MBD5: variants seen among roughly 807,000 people sequenced by gnomAD.
The protein encoded by MBD5 is methyl-CpG-binding domain protein 5.
A neutral mutation model predicts 117.3 loss-of-function variants in MBD5; 13 were observed. The observed-to-expected ratio is 0.11, with a 90% confidence interval of 0.07 to 0.18. The LOEUF (loss-of-function observed/expected upper bound fraction) is 0.18, where lower values mean the gene tolerates loss of function less well. Among genes scored for constraint, MBD5 ranks in the 10% least tolerant of loss-of-function variants. The probability of loss-of-function intolerance (pLI) is 1.00; values close to 1 mark genes in which losing one functional copy is unlikely to be tolerated. For missense variants in MBD5, 1,879 were observed against 2,093.8 expected, an observed-to-expected ratio of 0.90 and a Z score of 2.00; for synonymous variants, 727 against 766.4, an observed-to-expected ratio of 0.95 and a Z score of 0.85.
chr2:148,216,850 A>G (rs1699568701), intron 2 of MBD5, among the ~76,000 whole-genome samples: 1 of 152,144 alleles, frequency 6.6e-6, no homozygotes, highest in African/African-American at 2.4e-5. Context: ...GTTCTGGAAA[A>G]GAAACCCAGC....
intron 4 of MBD5, among the ~76,000 whole-genome samples, chr2:148,389,827 A>G (rs1481798402): frequency 6.6e-6 from 1 of 151,912 alleles, no homozygotes; most frequent in African/African-American, 2.4e-5. Flanking sequence ...TAGATTCTGG[A>G]TATTAGACCT....
chr2:148,295,376 C>G (rs1046063393), intron 3 of MBD5, among the ~76,000 whole-genome samples: 3 of 152,152 alleles, frequency 2.0e-5, no homozygotes, highest in Non-Finnish European at 4.4e-5. Flanking sequence ...TTATTTCCAT[C>G]CGGAATTTCC....
chr2:148,094,598 A>G (rs1023780717), intron 1 of MBD5, among the ~76,000 whole-genome samples: 4 of 152,160 alleles, frequency 2.6e-5, no homozygotes, highest in African/African-American at 7.2e-5. Context: ...TGACTATATA[A>G]AGCAGTTCCA....
chr2:148,327,660 A>C (rs1427914753), intron 3 of MBD5, among the ~76,000 whole-genome samples: 2 of 151,276 alleles, frequency 1.3e-5, no homozygotes, highest in South Asian at 2.1e-4. Context: ...TGCATTCTTC[A>C]CATAGTTATC....
At chr2:148,153,845 AT>A (rs558242185) in intron 1 of MBD5, among the ~76,000 whole-genome samples, 2,844 of 80,370 alleles carry the variant, frequency 0.035, 109 homozygotes, top group Non-Finnish European at 0.053. Flanking sequence ...ATTCTTCTAA[AT>A]TTTTTTCAAA....
chr2:148,478,218 G>A (rs1001824616), intron 8 of MBD5, among the ~76,000 whole-genome samples: 1 of 152,170 alleles, frequency 6.6e-6, no homozygotes, highest in Admixed American at 6.5e-5. Context: ...ATTTACTCGT[G>A]CTGTCATGTA....
chr2:148,215,977 AAATTAT>A (rs1009594255), intron 2 of MBD5, among the ~76,000 whole-genome samples: 3 of 152,206 alleles, frequency 2.0e-5, no homozygotes, highest in Admixed American at 2.0e-4. Context: ...CTGCACTTTT[AAATTAT>A]AACAGAAAAA....
chr2:148,403,185 CTT>C lies in MBD5; in HGVS notation c.-556-55007_-556-55006del, dbSNP rs35320980. On this transcript the variant is annotated intron_variant, in intron 4 of 13. Transcript: ENST00000642680. ...TTATAATAACTATATTAATGTTCTT[CTT>C]TTTTTTTTTTGAGACAGGGTCTCAC... 4.6e-4 allele frequency among the ~76,000 whole-genome samples: 66 copies of C among 144,484 alleles called. 1 individual carries two copies. The highest frequency in any genetic ancestry group is 3.6e-3 in the Middle Eastern group (1 of 276). 94.8% of individuals were successfully genotyped at this position (144,484 alleles called of 152,430 possible).
At chr2:148,162,864 T>TA (rs1215406155) in intron 1 of MBD5, among the ~76,000 whole-genome samples, 1 of 152,170 alleles carries the variant, frequency 6.6e-6, no homozygotes, top group East Asian at 1.9e-4. Context: ...TTGAAAACAA[T>TA]AAAAAATGGC....
At chr2:148,047,213 A>G (rs1274505715) in intron 1 of MBD5, among the ~76,000 whole-genome samples, 2 of 152,202 alleles carry the variant, frequency 1.3e-5, no homozygotes, top group Non-Finnish European at 2.9e-5. Context: ...TTATGATCAT[A>G]TAAGATGGTT....
chr2:148,265,069 A>ACG (rs1313904404), intron 3 of MBD5: 1 of 151,912 alleles, frequency 6.6e-6, no homozygotes, highest in African/African-American at 2.4e-5. Flanking sequence ...ACACACGCAC[A>ACG]CACACACACA....
At chr2:148,378,883 G>C (rs915157049) in intron 4 of MBD5, among the ~76,000 whole-genome samples, 2 of 152,040 alleles carry the variant, frequency 1.3e-5, no homozygotes, top group Non-Finnish European at 2.9e-5. Flanking sequence ...CAAATGTCTT[G>C]TGGCTTGAAT....
At chr2:148,100,067 C>T (rs1375726042) in intron 1 of MBD5, among the ~76,000 whole-genome samples, 1 of 152,006 alleles carries the variant, frequency 6.6e-6, no homozygotes, top group Non-Finnish European at 1.5e-5. Flanking sequence ...CACCCAAATC[C>T]ATCCCTTAGA....
At chr2:148,423,003 CT>C (rs1242257665) in intron 4 of MBD5, among the ~76,000 whole-genome samples, 1 of 152,152 alleles carries the variant, frequency 6.6e-6, no homozygotes, top group Non-Finnish European at 1.5e-5. Context: ...TTGGAAAACA[CT>C]CTTTAGGATA....
In MBD5 at chr2:148,490,601, C is replaced by G. The variant is rs1357945983; in HGVS notation, c.4962+7C>G. 1 of 1,613,906 alleles carries G rather than the reference C, an allele frequency of 6.2e-7. No individual in the cohort carries two copies. The highest frequency in any genetic ancestry group is 1.3e-5 in the African/African-American group (1 of 74,924). ...AAGCCCCGAGGAAGGGAAGGTATAC[C>G]AATCTTTATCCATTGTCAAATACTA... On this transcript the variant is annotated splice_region_variant and intron_variant, in intron 11 of 13. Transcript: ENST00000642680.
chr2:148,290,964 C>T (rs905157104), intron 3 of MBD5, among the ~76,000 whole-genome samples: 2 of 152,208 alleles, frequency 1.3e-5, no homozygotes, highest in African/African-American at 2.4e-5. Flanking sequence ...GCACCATTTA[C>T]AGTCCTACCA....
chr2:148,413,908 T>TTA (rs1559061027), intron 4 of MBD5, among the ~76,000 whole-genome samples: 1 of 138,620 alleles, frequency 7.2e-6, no homozygotes, highest in Non-Finnish European at 1.6e-5. Flanking sequence ...ACTTATTTTC[T>TTA]AAAAAAAAAA....
intron 4 of MBD5, among the ~76,000 whole-genome samples, chr2:148,381,230 G>A (rs1704133808): frequency 1.3e-5 from 2 of 152,160 alleles, no homozygotes; most frequent in African/African-American, 4.8e-5. Context: ...AAAAAAATTA[G>A]ACGAATGGAT....
chr2:148,161,325 T>C (rs1698002581), intron 1 of MBD5, among the ~76,000 whole-genome samples: 1 of 152,154 alleles, frequency 6.6e-6, no homozygotes, highest in Non-Finnish European at 1.5e-5. Context: ...TAGCATCTCA[T>C]TGACCAAAGA....
Sources: allele counts gnomAD v4.1 joint callset (sites outside exome capture counted in the v4.1 genomes callset), GRCh38; gene constraint gnomAD v4.1.1; transcripts MANE v1.5; gene names NCBI Gene and HGNC (gene_info 2026-07-23, HGNC 2026-07-21).